Variants in NRXN3 observed in about 807,000 individuals in gnomAD.
The protein encoded by NRXN3 is neurexin 3, also known as neurexin III.
A neutral mutation model predicts 137.6 loss-of-function variants in NRXN3; 32 were observed. That is an observed-to-expected ratio of 0.23 (90% CI 0.18 to 0.31). The LOEUF (loss-of-function observed/expected upper bound fraction) is 0.31, where lower values mean the gene tolerates loss of function less well. NRXN3 is among the 10% of genes least tolerant of loss of function. NRXN3 has a pLI of 1.00. For missense variants in NRXN3, 1,574 were observed against 2,062.5 expected (o/e 0.76, Z 4.59); for synonymous variants, 798 against 784.5 (o/e 1.02, Z -0.29).
At chr14:78,705,328 AG>A (rs2098335386) in intron 6 of NRXN3, among the ~76,000 whole-genome samples, 1 of 152,208 alleles carries the variant, frequency 6.6e-6, no homozygotes, top group African/African-American at 2.4e-5. Context: ...GGGGTCCAGC[AG>A]GGTTTCCTGC....
chr14:78,923,825 A>G (rs1444412431), intron 10 of NRXN3, among the ~76,000 whole-genome samples: 2 of 152,218 alleles, frequency 1.3e-5, no homozygotes, highest in Non-Finnish European at 2.9e-5. Flanking sequence ...TGCTACTATA[A>G]TCTTCCAACT....
intron 19 of NRXN3, among the ~76,000 whole-genome samples, chr14:79,751,806 C>T (rs1218575820): frequency 4.0e-5 from 6 of 151,842 alleles, no homozygotes; most frequent in Admixed American, 2.6e-4. Context: ...TGTCAAAGGC[C>T]TTTTCTGCAT....
intron 8 of NRXN3, among the ~76,000 whole-genome samples, chr14:78,753,080 A>G (rs1017663387): frequency 6.6e-6 from 1 of 152,072 alleles, no homozygotes; most frequent in African/African-American, 2.4e-5. Context: ...GAAACCACAC[A>G]CCCACGTTAC....
intron 4 of NRXN3, among the ~76,000 whole-genome samples, chr14:78,555,591 C>T (rs1437415969): frequency 1.3e-5 from 2 of 152,202 alleles, no homozygotes; most frequent in African/African-American, 4.8e-5. Context: ...TGAACAGTCA[C>T]CAGGCCTTGT....
intron 4 of NRXN3, among the ~76,000 whole-genome samples, chr14:78,498,817 G>C (rs1193226638): frequency 1.3e-5 from 2 of 151,660 alleles, no homozygotes; most frequent in Non-Finnish European, 2.9e-5. Flanking sequence ...TTGAGATGGG[G>C]GTCTCACTAT....
intron 8 of NRXN3, among the ~76,000 whole-genome samples, chr14:78,770,890 C>T (rs2098725434): frequency 6.6e-6 from 1 of 152,156 alleles, no homozygotes; most frequent in African/African-American, 2.4e-5. Context: ...TAAATCCTGG[C>T]AAAGGCCCTC....
At chr14:78,680,647 A>T (rs2098064967) in intron 6 of NRXN3, among the ~76,000 whole-genome samples, 1 of 152,140 alleles carries the variant, frequency 6.6e-6, no homozygotes, top group Non-Finnish European at 1.5e-5. Context: ...AACTTATAGC[A>T]ACTGAAAGTA....
In NRXN3 at chr14:78,845,415, T is replaced by C. The variant is rs1275363767; in HGVS notation, c.2275+35071T>C. Among the ~76,000 whole-genome samples the C allele has an allele frequency of 3.9e-5, 6 of 152,144 alleles. No individual in the cohort carries two copies. The East Asian group carries it at 9.6e-4, about 24-fold the overall frequency. On this transcript the variant is annotated intron_variant, in intron 10 of 20. Coordinates refer to ENST00000335750, the MANE Select transcript of NRXN3 (RefSeq NM_001330195.2). ...AAAACATAAACTTTTAATATATCCC[T>C]CTATAAATTCTTACTTTTAGTATTC...
chr14:78,943,624 ATATATATATATATATATATATAT>A (rs1567778341), intron 10 of NRXN3, among the ~76,000 whole-genome samples: 463 of 15,844 alleles, frequency 0.029, 51 homozygotes, highest in South Asian at 0.097. Context: ...AAAAAAAAAT[ATATATATATATATATATATATAT>A]ATATATATAT....
intron 1 of NRXN3, among the ~76,000 whole-genome samples, chr14:78,191,765 C>A (rs11159339): frequency 4.6e-5 from 7 of 152,012 alleles, no homozygotes; most frequent in Middle Eastern, 3.2e-3. Flanking sequence ...AAGCAGACCC[C>A]TAGGTCACTC....
At chr14:79,099,273 T>C (rs1378628926) in intron 15 of NRXN3, among the ~76,000 whole-genome samples, 6 of 152,134 alleles carry the variant, frequency 3.9e-5, no homozygotes, top group Middle Eastern at 3.2e-3. Flanking sequence ...CATTTCTTTG[T>C]GAGATTTAAT....
chr14:79,805,694 A>T (rs1409110306), intron 20 of NRXN3, among the ~76,000 whole-genome samples: 2 of 152,284 alleles, frequency 1.3e-5, no homozygotes, highest in South Asian at 2.1e-4. Flanking sequence ...GTATATATAT[A>T]TTTTCCATGG....
chr14:79,530,902 T>C (rs150932783), intron 16 of NRXN3, among the ~76,000 whole-genome samples: 23 of 152,358 alleles, frequency 1.5e-4, no homozygotes, highest in South Asian at 1.0e-3. Flanking sequence ...CAAACCAAAG[T>C]TGACACTCTT....
intron 10 of NRXN3, among the ~76,000 whole-genome samples, chr14:78,907,135 A>C (rs974321591): frequency 1.3e-5 from 2 of 151,968 alleles, no homozygotes; most frequent in African/African-American, 4.8e-5. Flanking sequence ...ATTTTTTTCT[A>C]TTTATTTACT....
chr14:79,024,838 C>G (rs1042158076), intron 15 of NRXN3, among the ~76,000 whole-genome samples: 4 of 152,038 alleles, frequency 2.6e-5, no homozygotes, highest in Admixed American at 1.3e-4. Context: ...TTTTCACTTG[C>G]TAATAATAAT....
intron 4 of NRXN3, chr14:78,526,624 T>C (rs2096383705): frequency 3.0e-6 from 1 of 328,432 alleles, no homozygotes; most frequent in Non-Finnish European, 6.0e-6. Flanking sequence ...ATGGAGCATA[T>C]CTGCTTTATC....
At chr14:78,447,833 C>T (rs1244196466) in intron 4 of NRXN3, among the ~76,000 whole-genome samples, 1 of 152,176 alleles carries the variant, frequency 6.6e-6, no homozygotes, top group Non-Finnish European at 1.5e-5. Context: ...CTTTCTTCAT[C>T]TGTGAAATGG....
chr14:78,329,649 G>T (rs563914726), intron 4 of NRXN3, among the ~76,000 whole-genome samples: 4 of 152,098 alleles, frequency 2.6e-5, no homozygotes, highest in South Asian at 2.1e-4. Flanking sequence ...TGACAGTTTT[G>T]TGCATTAGGC....
chr14:78,507,313 C>T (rs1178320292), intron 4 of NRXN3, among the ~76,000 whole-genome samples: 3 of 152,166 alleles, frequency 2.0e-5, no homozygotes, highest in Admixed American at 6.5e-5. Context: ...GTGGTTAGTG[C>T]AGGTCTGAAT....
Sources: gnomAD v4.1 joint callset for allele counts (sites outside exome capture counted in the v4.1 genomes callset) on GRCh38, gnomAD v4.1.1 for gene constraint, MANE v1.5 for transcripts, NCBI Gene and HGNC (gene_info 2026-07-23, HGNC 2026-07-21) for gene names.